Variants in CAST observed in about 807,000 individuals in gnomAD.
CAST encodes MIR583 host.
CAST carries 76 observed loss-of-function variants against 119.6 expected under a neutral mutation model. The ratio of observed to expected loss-of-function variants is 0.64; its 90% CI spans 0.53 to 0.77. CAST has a LOEUF of 0.77. Ranked by LOEUF, CAST falls within the 30% of genes least tolerant of loss-of-function variation. The pLI, the probability that CAST is intolerant of heterozygous loss-of-function variation, is 0.00. For missense variants in CAST, 953 were observed against 946.5 expected, an observed-to-expected ratio of 1.01 and a Z score of -0.09; for synonymous variants, 319 against 331.6, an observed-to-expected ratio of 0.96 and a Z score of 0.41.
chr5:96,466,168 A>G, the CAST span, among the ~76,000 whole-genome samples: 1 of 152,108 alleles, frequency 6.6e-6, no homozygotes, highest in Admixed American at 6.6e-5. Flanking sequence ...CTATCTGTAT[A>G]GTTAATTTTG....
At chr5:96,162,654 G>A in the CAST span, among the ~76,000 whole-genome samples, 2 of 152,130 alleles carry the variant, frequency 1.3e-5, no homozygotes, top group Non-Finnish European at 2.9e-5. Flanking sequence ...CTGACCCGAG[G>A]TAATCCATCC....
At chr5:96,573,964 C>T (rs554967305) in intron 1 of CAST, among the ~76,000 whole-genome samples, 31 of 151,660 alleles carry the variant, frequency 2.0e-4, no homozygotes, top group Admixed American at 1.7e-3. Context: ...TTTATTGCTA[C>T]GTAGTATTCC....
the CAST span, chr5:96,390,857 T>TA: frequency 2.0e-5 from 3 of 152,650 alleles, no homozygotes; most frequent in African/African-American, 7.2e-5. Context: ...TATGATTTTA[T>TA]TTAAATATTA....
chr5:96,012,381 T>G, the CAST span, among the ~76,000 whole-genome samples: 1 of 152,188 alleles, frequency 6.6e-6, no homozygotes, highest in African/African-American at 2.4e-5. Flanking sequence ...TTACAGCTCT[T>G]TTTTAGTCCT....
At chr5:96,680,599 G>T (rs1200798720) in intron 2 of CAST, among the ~76,000 whole-genome samples, 1 of 151,754 alleles carries the variant, frequency 6.6e-6, no homozygotes, top group African/African-American at 2.4e-5. Flanking sequence ...AATGTGCTTT[G>T]TGATAGATAA....
At chr5:96,640,299 A>G (rs1228194792) in intron 1 of CAST, among the ~76,000 whole-genome samples, 3 of 152,210 alleles carry the variant, frequency 2.0e-5, no homozygotes, top group Admixed American at 1.3e-4. Flanking sequence ...GAAAAACTCT[A>G]GAGATGGAAG....
the CAST span, among the ~76,000 whole-genome samples, chr5:96,226,991 C>T: frequency 6.6e-6 from 1 of 152,138 alleles, no homozygotes; most frequent in Non-Finnish European, 1.5e-5. Flanking sequence ...TCTAGCTAAC[C>T]AATGGGCTGA....
At chr5:96,340,320 G>A in the CAST span, among the ~76,000 whole-genome samples, 4 of 152,142 alleles carry the variant, frequency 2.6e-5, no homozygotes, top group Admixed American at 2.0e-4. Context: ...AGAACTTGAT[G>A]CTGAAAGCAG....
the CAST span, among the ~76,000 whole-genome samples, chr5:96,263,458 A>G: frequency 6.6e-6 from 1 of 152,182 alleles, no homozygotes; most frequent in African/African-American, 2.4e-5. Flanking sequence ...CTGATGAAAG[A>G]GAGAGGTCTA....
At chr5:96,727,322 C>T (rs1759437817) in intron 5 of CAST, among the ~76,000 whole-genome samples, 167 bp from the exon 6 acceptor site, 1 of 152,168 alleles carries the variant, frequency 6.6e-6, no homozygotes, top group Non-Finnish European at 1.5e-5. Flanking sequence ...TAAAGAGTTG[C>T]AATTTCAAGC....
chr5:95,983,711 A>T, the CAST span, among the ~76,000 whole-genome samples: 1 of 152,206 alleles, frequency 6.6e-6, no homozygotes, highest in Non-Finnish European at 1.5e-5. Context: ...GTACATATTT[A>T]TATATGCTTG....
chr5:96,718,986 A>G (rs947820040), intron 3 of CAST, among the ~76,000 whole-genome samples: 8 of 152,156 alleles, frequency 5.3e-5, no homozygotes, highest in Admixed American at 5.2e-4. Flanking sequence ...GGAGGCAGAG[A>G]GGATTCCTGT....
chr5:96,484,847 C>T, the CAST span, among the ~76,000 whole-genome samples: 1 of 152,096 alleles, frequency 6.6e-6, no homozygotes, highest in Non-Finnish European at 1.5e-5. Context: ...ATTCTCCTCC[C>T]CTACTCTGTA....
rs953691410 is a variant in CAST at position 96,759,549 on chromosome 5, T to C, written c.1833+1895T>C. 3.3e-5 allele frequency among the ~76,000 whole-genome samples: 5 copies of C among 152,150 alleles called. No individual in the cohort carries two copies. The South Asian group carries it at 1.0e-3, about 32-fold the overall frequency. ...ATGCTTATTGAATTTTAAACTGAAA[T>C]TTCTAAAAGTTTTAATAAGGTAGCC... On this transcript the variant is annotated intron_variant, in intron 24 of 31. Coordinates refer to ENST00000675179, the MANE Select transcript of CAST (RefSeq NM_001750.7).
chr5:95,992,362 A>G, the CAST span, among the ~76,000 whole-genome samples: 3 of 152,102 alleles, frequency 2.0e-5, 1 homozygote, highest in South Asian at 6.2e-4. Flanking sequence ...TGTGGATATC[A>G]GGTGTCTCCT....
chr5:96,438,299 C>G, the CAST span, among the ~76,000 whole-genome samples: 3 of 152,082 alleles, frequency 2.0e-5, no homozygotes, highest in Non-Finnish European at 4.4e-5. Context: ...TGCAGCTTTC[C>G]CTGGGGTTTA....
the CAST span, among the ~76,000 whole-genome samples, chr5:96,419,492 G>T: frequency 6.7e-6 from 1 of 150,364 alleles, no homozygotes; most frequent in African/African-American, 2.4e-5. Context: ...CAAGGAAGTA[G>T]AGATTCTTTT....
intron 3 of CAST, among the ~76,000 whole-genome samples, chr5:96,719,661 C>G (rs544292298): frequency 6.6e-6 from 1 of 152,282 alleles, no homozygotes; most frequent in Non-Finnish European, 1.5e-5. Context: ...ACTTTATACT[C>G]TGATTTACAG....
At chr5:96,392,642 T>C in the CAST span, 6 of 231,488 alleles carry the variant, frequency 2.6e-5, no homozygotes, top group Middle Eastern at 1.6e-3. Context: ...GATTATGTTT[T>C]CAAATTAATT....
Sources: allele counts gnomAD v4.1 joint callset (sites outside exome capture counted in the v4.1 genomes callset), GRCh38; gene constraint gnomAD v4.1.1; transcripts MANE v1.5; gene names NCBI Gene and HGNC (gene_info 2026-07-23, HGNC 2026-07-21).